The following EXOC4 variants were observed in gnomAD, a reference collection of about 807,000 sequenced individuals.
EXOC4 encodes the protein SEC8-like 1.
A neutral mutation model predicts 107.2 loss-of-function variants in EXOC4; 71 were observed. That is an observed-to-expected ratio of 0.66 (90% CI 0.55 to 0.81). EXOC4 has a LOEUF of 0.81. Among genes scored for constraint, EXOC4 ranks in the 30% least tolerant of loss-of-function variants. The pLI, the probability that EXOC4 is intolerant of heterozygous loss-of-function variation, is 0.00. For missense variants in EXOC4, 1,108 were observed against 1,189.6 expected (o/e 0.93, Z 1.01); for synonymous variants, 456 against 441.2 (o/e 1.03, Z -0.42).
At chr7:133,805,168 A>C (rs868214664) in intron 10 of EXOC4, among the ~76,000 whole-genome samples, 3 of 152,228 alleles carry the variant, frequency 2.0e-5, no homozygotes, top group Admixed American at 6.5e-5. Flanking sequence ...AAATAGTTCA[A>C]ATACATAAAG....
chr7:133,348,632 G>A (rs79088639), intron 5 of EXOC4, among the ~76,000 whole-genome samples: 2,478 of 152,130 alleles, frequency 0.016, 92 homozygotes, highest in South Asian at 0.14. Flanking sequence ...ACAATTTTGC[G>A]TATTTCTACC....
At chr7:133,429,580 C>T (rs1004108787) in intron 7 of EXOC4, among the ~76,000 whole-genome samples, 1 of 152,192 alleles carries the variant, frequency 6.6e-6, no homozygotes, top group African/African-American at 2.4e-5. Flanking sequence ...TGGCCTTTAG[C>T]AATCACTCAC....
intron 4 of EXOC4, chr7:133,314,891 T>TA (rs1296745960): frequency 2.0e-5 from 3 of 152,374 alleles, no homozygotes; most frequent in Non-Finnish European, 4.4e-5. Context: ...AAGTTTTTTT[T>TA]ACTCTGTAGC....
chr7:133,648,980 G>A (rs1390795794), intron 10 of EXOC4, among the ~76,000 whole-genome samples: 2 of 152,100 alleles, frequency 1.3e-5, no homozygotes, highest in South Asian at 2.1e-4. Flanking sequence ...GATTAATTTT[G>A]TCGATGGTGG....
chr7:133,884,617 G>T (rs1439287530), intron 11 of EXOC4, among the ~76,000 whole-genome samples: 1 of 151,552 alleles, frequency 6.6e-6, no homozygotes, highest in African/African-American at 2.4e-5. Context: ...GTGTGTGTGT[G>T]TGTGCGCGCG....
chr7:133,298,497 T>C (rs1255037820), intron 3 of EXOC4, among the ~76,000 whole-genome samples: 3 of 152,150 alleles, frequency 2.0e-5, no homozygotes, highest in Non-Finnish European at 2.9e-5. Flanking sequence ...TTCTATTGGA[T>C]TTTGTAGTAG....
intron 9 of EXOC4, among the ~76,000 whole-genome samples, chr7:133,582,975 G>T (rs1377796038): frequency 1.3e-5 from 2 of 152,128 alleles, no homozygotes; most frequent in Non-Finnish European, 2.9e-5. Flanking sequence ...GTATTCTTTA[G>T]TGTTGTTTAA....
At chr7:134,086,705 T>G in the EXOC4 span, among the ~76,000 whole-genome samples, 1 of 151,990 alleles carries the variant, frequency 6.6e-6, no homozygotes, top group East Asian at 1.9e-4. Context: ...CAAGAAAAAA[T>G]TCAGGGTGAG....
intron 10 of EXOC4, among the ~76,000 whole-genome samples, chr7:133,808,829 G>A (rs1797144848): frequency 6.6e-6 from 1 of 151,948 alleles, no homozygotes. Context: ...CTCATAAATA[G>A]TCCATGATTT....
intron 10 of EXOC4, among the ~76,000 whole-genome samples, chr7:133,669,730 G>A (rs1406604923): frequency 6.6e-6 from 1 of 152,190 alleles, no homozygotes; most frequent in Non-Finnish European, 1.5e-5. Context: ...AGAGAGGGAA[G>A]CTAGATGGGC....
At chr7:133,830,487 T>C (rs543424490) in intron 11 of EXOC4, among the ~76,000 whole-genome samples, 17 of 152,334 alleles carry the variant, frequency 1.1e-4, no homozygotes, top group Non-Finnish European at 1.8e-4. Context: ...GCTAAATGAA[T>C]AAAATGAAAA....
chr7:133,838,737 A>G (rs1380577354), intron 11 of EXOC4, among the ~76,000 whole-genome samples: 1 of 152,242 alleles, frequency 6.6e-6, no homozygotes, highest in Non-Finnish European at 1.5e-5. Context: ...GTTTTTCTGA[A>G]TAGAGCCAGA....
chr7:133,978,316 C>A (rs1793891372), intron 14 of EXOC4, among the ~76,000 whole-genome samples: 1 of 152,194 alleles, frequency 6.6e-6, no homozygotes, highest in South Asian at 2.1e-4. Context: ...GTAATTTGGT[C>A]TTTTAACAGA....
intron 11 of EXOC4, among the ~76,000 whole-genome samples, chr7:133,843,227 G>A (rs1563023192): frequency 6.6e-6 from 1 of 152,054 alleles, no homozygotes; most frequent in South Asian, 2.1e-4. Flanking sequence ...TAGTTTGATA[G>A]GAATAGCACT....
chr7:133,425,850 A>G lies in EXOC4; in HGVS notation c.1183-49478A>G, dbSNP rs1053781358. On this transcript the variant is annotated intron_variant, in intron 7 of 17. Coordinates refer to ENST00000253861, the MANE Select transcript of EXOC4 (RefSeq NM_021807.4). ...CCAGGTCTTTAGATAAACTCAACCA[A>G]TTGTCAACCAGAAAAAATTTAAATC... Among the ~76,000 whole-genome samples the G allele has an allele frequency of 4.6e-5, 7 of 152,118 alleles. 1 individual carries two copies. The highest frequency in any genetic ancestry group is 1.7e-4 in the African/African-American group (7 of 41,402).
chr7:133,986,003 T>G (rs1794105254), intron 14 of EXOC4, among the ~76,000 whole-genome samples: 1 of 152,230 alleles, frequency 6.6e-6, no homozygotes, highest in Admixed American at 6.5e-5. Context: ...GAATGATTGC[T>G]CCGTTATTGA....
chr7:133,481,805 A>G (rs989997760), intron 9 of EXOC4, among the ~76,000 whole-genome samples: 23 of 152,212 alleles, frequency 1.5e-4, no homozygotes, highest in African/African-American at 5.5e-4. Context: ...ACAGACTGTC[A>G]TTAGACCTGG....
intron 9 of EXOC4, among the ~76,000 whole-genome samples, chr7:133,483,495 A>T (rs973186609): frequency 2.6e-5 from 4 of 152,226 alleles, no homozygotes; most frequent in African/African-American, 9.6e-5. Context: ...ACTACAATCT[A>T]ACTAGGAATT....
At chr7:133,545,410 C>T (rs1429597920) in intron 9 of EXOC4, among the ~76,000 whole-genome samples, 1 of 152,102 alleles carries the variant, frequency 6.6e-6, no homozygotes, top group African/African-American at 2.4e-5. Flanking sequence ...CCGCAGAAAA[C>T]TTAGTATTTT....
Sources: gnomAD v4.1 joint callset for allele counts (sites outside exome capture counted in the v4.1 genomes callset) on GRCh38, gnomAD v4.1.1 for gene constraint, MANE v1.5 for transcripts, NCBI Gene and HGNC (gene_info 2026-07-23, HGNC 2026-07-21) for gene names.